Variants in UBE2QL1 observed in about 807,000 individuals in gnomAD.
The protein encoded by UBE2QL1 is ubiquitin-conjugating enzyme E2Q-like protein 1.
In UBE2QL1, 5 loss-of-function variants were observed where a neutral mutation model predicts 12.6. The observed-to-expected ratio is 0.40, with a 90% CI of 0.21 to 0.83. The LOEUF (loss-of-function observed/expected upper bound fraction) is 0.83. Among genes scored for constraint, UBE2QL1 ranks in the 40% least tolerant of loss-of-function variants. The probability of loss-of-function intolerance (pLI) is 0.37; values close to 1 mark genes in which losing one functional copy is unlikely to be tolerated. For missense variants in UBE2QL1, 99 were observed against 222.6 expected, an observed-to-expected ratio of 0.44 and a Z score of 3.53; for synonymous variants, 96 against 94.5, an observed-to-expected ratio of 1.02 and a Z score of -0.10.
At chr5:6,457,987 C>A (rs1197323720) in intron 1 of UBE2QL1, among the ~76,000 whole-genome samples, 1 of 152,166 alleles carries the variant, frequency 6.6e-6, no homozygotes, top group Non-Finnish European at 1.5e-5. Flanking sequence ...ATCATAAGCT[C>A]CTTGTATTGA....
intron 1 of UBE2QL1, among the ~76,000 whole-genome samples, chr5:6,453,972 C>A (rs568604604): frequency 3.9e-5 from 6 of 152,268 alleles, no homozygotes; most frequent in Non-Finnish European, 8.8e-5. Flanking sequence ...TCTTTAATTC[C>A]TGGGCTCAAG....
chr5:6,462,653 A>G (rs1037984776), intron 1 of UBE2QL1, among the ~76,000 whole-genome samples: 3 of 152,160 alleles, frequency 2.0e-5, no homozygotes, highest in Non-Finnish European at 2.9e-5. Context: ...AGAACGACCT[A>G]TTGGAGGGCT....
chr5:6,474,249 C>T (rs549279648), intron 1 of UBE2QL1, among the ~76,000 whole-genome samples: 2 of 152,346 alleles, frequency 1.3e-5, no homozygotes, highest in Admixed American at 1.3e-4. Flanking sequence ...TGTGGATCTT[C>T]CAGCATGGAG....
chr5:6,487,064 T>A (rs1051693619), intron 1 of UBE2QL1, among the ~76,000 whole-genome samples: 2 of 152,176 alleles, frequency 1.3e-5, no homozygotes, highest in Admixed American at 1.3e-4. Flanking sequence ...CATCACTTTG[T>A]CTTGTTTGAC....
chr5:6,461,792 G>C (rs1739672328), intron 1 of UBE2QL1, among the ~76,000 whole-genome samples: 1 of 152,110 alleles, frequency 6.6e-6, no homozygotes, highest in East Asian at 1.9e-4. Flanking sequence ...CTTTTAGTGA[G>C]ATGATTCCGA....
rs530008458 is a variant in UBE2QL1 at position 6,479,797 on chromosome 5, T to C, written c.355-11421T>C. The stretch of plus-strand genomic sequence containing the variant: ...ACAAACACAGACTGCCCCCATCATC[T>C]CGGGACAGAGACTCACCAGGGAGGT... On this transcript the variant is annotated intron_variant, in intron 1 of 1. Coordinates refer to ENST00000399816, the MANE Select transcript of UBE2QL1 (RefSeq NM_001145161.3). The surrounding 1 kb of genome is among the most constrained non-coding windows in gnomAD (Gnocchi z 4.2). Among the ~76,000 whole-genome samples the C allele has an allele frequency of 1.5e-3, 232 of 152,222 alleles. 1 individual carries two copies. Among genetic ancestry groups the C allele is most frequent in the Non-Finnish European group, 2.9e-3 (195 of 68,006 alleles).
intron 1 of UBE2QL1, among the ~76,000 whole-genome samples, chr5:6,468,338 G>A (rs892202595): frequency 1.2e-4 from 19 of 152,162 alleles, no homozygotes; most frequent in Admixed American, 2.6e-4. Context: ...GAGCAGGGGC[G>A]CGGGGTGGGT....
intron 1 of UBE2QL1, among the ~76,000 whole-genome samples, chr5:6,468,335 G>GGC (rs141262416): frequency 0.019 from 2,873 of 152,318 alleles, 23 homozygotes; most frequent in Middle Eastern, 0.027. Flanking sequence ...CTGGAGCAGG[G>GGC]GCGCGGGGTG....
intron 1 of UBE2QL1, among the ~76,000 whole-genome samples, chr5:6,470,422 A>G (rs1227906736): frequency 6.6e-6 from 1 of 152,220 alleles, no homozygotes; most frequent in East Asian, 1.9e-4. Flanking sequence ...ATTATAGAAA[A>G]TAGTACATGC....
In UBE2QL1 at chr5:6,476,295, C is replaced by T. The variant is rs1355945655; in HGVS notation, c.355-14923C>T. ...CAGCCAAGGCATAAAGCAGTCAACG[C>T]GGTGCCCTCAGGGCAAATGCACCAA... On this transcript the variant is annotated intron_variant, in intron 1 of 1. Transcript: ENST00000399816. This position sits in a 1 kb window ranked among gnomAD's most constrained non-coding sequence, Gnocchi z 4.9. 6.6e-6 allele frequency among the ~76,000 whole-genome samples: 1 copy of T among 152,244 alleles called. No homozygotes were observed. Among genetic ancestry groups the T allele is most frequent in the Non-Finnish European group, 1.5e-5 (1 of 68,040 alleles).
chr5:6,483,272 C>T (rs955891409), intron 1 of UBE2QL1, among the ~76,000 whole-genome samples: 4 of 152,022 alleles, frequency 2.6e-5, no homozygotes, highest in South Asian at 2.1e-4. Flanking sequence ...CCCGTCTCTA[C>T]TGAAAATACA....
At position 6,481,366 on chromosome 5, in the gene UBE2QL1, C is replaced by T. The variant is rs1734356979; in HGVS notation, c.355-9852C>T. On this transcript the variant is annotated intron_variant, in intron 1 of 1. Coordinates refer to ENST00000399816, the MANE Select transcript of UBE2QL1 (RefSeq NM_001145161.3). This position sits in a 1 kb window ranked among gnomAD's most constrained non-coding sequence, Gnocchi z 4.5. ...CTTGCACGCCAGGTGCTCATTATCC[C>T]CATGCAGGAGGTGAGGGCGGGTAGT... is the stretch of plus-strand genomic sequence containing the variant. 6.6e-6 allele frequency among the ~76,000 whole-genome samples: 1 copy of T among 152,190 alleles called. No homozygotes were observed. Among genetic ancestry groups the T allele is most frequent in the African/African-American group, 2.4e-5 (1 of 41,430 alleles).
chr5:6,454,436 T>C (rs1739475135), intron 1 of UBE2QL1, among the ~76,000 whole-genome samples: 1 of 152,142 alleles, frequency 6.6e-6, no homozygotes, highest in African/African-American at 2.4e-5. Flanking sequence ...TGACTTTAAC[T>C]TAATTACCTC....
At chr5:6,463,362 A>G (rs946014008) in intron 1 of UBE2QL1, among the ~76,000 whole-genome samples, 2 of 152,140 alleles carry the variant, frequency 1.3e-5, no homozygotes, top group Non-Finnish European at 2.9e-5. Context: ...CAGTGAAAAG[A>G]GGGTCACATG....
rs115903624 is a variant in UBE2QL1 at position 6,457,505 on chromosome 5, A to G, written c.354+8258A>G. Among the ~76,000 whole-genome samples the G allele has an allele frequency of 4.4e-3, 669 of 152,300 alleles. 4 individuals carry two copies. The highest frequency in any genetic ancestry group is 7.1e-3 in the Non-Finnish European group (482 of 68,028). On this transcript the variant is annotated intron_variant, in intron 1 of 1. Coordinates refer to ENST00000399816, the MANE Select transcript of UBE2QL1 (RefSeq NM_001145161.3). ...TTGTGCCAAATAGATGTTTGCCACA[A>G]GATCTGTTTCCCTGAGCAGACTCCC...
In UBE2QL1 at chr5:6,478,655, G is replaced by A. The variant is rs965190450; in HGVS notation, c.355-12563G>A. 6.0e-5 allele frequency among the ~76,000 whole-genome samples: 9 copies of A among 150,074 alleles called. No homozygotes were observed. The highest frequency in any genetic ancestry group is 5.9e-4 in the East Asian group (3 of 5,122). On this transcript the variant is annotated intron_variant, in intron 1 of 1. Coordinates refer to ENST00000399816, the MANE Select transcript of UBE2QL1 (RefSeq NM_001145161.3). This position sits in a 1 kb window ranked among gnomAD's most constrained non-coding sequence, Gnocchi z 4.5. ...TTTTTTGGACTTTAACAGCATCGCCGTACCTACTATCTGTGCTGAGAGAAC... is the reference window on the plus strand; with the variant it reads ...TTTTTTGGACTTTAACAGCATCGCCATACCTACTATCTGTGCTGAGAGAAC...
intron 1 of UBE2QL1, among the ~76,000 whole-genome samples, chr5:6,472,487 C>T (rs1739934409): frequency 6.6e-6 from 1 of 152,188 alleles, no homozygotes; most frequent in African/African-American, 2.4e-5. Context: ...TGACAGGACC[C>T]TAGAGGCATC....
intron 1 of UBE2QL1, among the ~76,000 whole-genome samples, chr5:6,466,124 C>A (rs996989573): frequency 6.6e-6 from 1 of 152,116 alleles, no homozygotes; most frequent in East Asian, 1.9e-4. Flanking sequence ...GGCCTCCCCA[C>A]TGACTCGGCA....
rs759994478 is a variant in UBE2QL1 at position 6,448,905 on chromosome 5, G to A, written c.12G>A (p.Leu4=). 1.2e-5 allele frequency: 18 copies of A among 1,536,988 alleles called. No individual in the cohort carries two copies. The highest frequency in any genetic ancestry group is 1.6e-5 in the Non-Finnish European group (18 of 1,140,954). MKE[L]QDIARLSDRF... is the part of the protein sequence containing the mutation. Reference sequence around the variant, plus strand: ...GCAGCCGGCGGCTCATGAAGGAGCTGCAGGACATCGCGCGCCTTAGCGACC... The same window carrying A: ...GCAGCCGGCGGCTCATGAAGGAGCTACAGGACATCGCGCGCCTTAGCGACC... The change falls in exon 1 of 2, where the codon CTG becomes CTA. Residue 4 remains leucine, a synonymous_variant. Coordinates refer to ENST00000399816, the MANE Select transcript of UBE2QL1 (RefSeq NM_001145161.3).
Sources: gnomAD v4.1 joint callset for allele counts (sites outside exome capture counted in the v4.1 genomes callset) on GRCh38, gnomAD v4.1.1 for gene constraint, Gnocchi (gnomAD v3.1) non-coding constraint, MANE v1.5 for transcripts, NCBI Gene and HGNC (gene_info 2026-07-23, HGNC 2026-07-21) for gene names.